Variants in LAMA5 observed in about 807,000 individuals in gnomAD.
LAMA5 encodes laminin subunit alpha 5, also known as laminin subunit alpha-5.
A neutral mutation model predicts 433.4 loss-of-function variants in LAMA5; 260 were observed. The ratio of observed to expected loss-of-function variants is 0.60; its 90% CI spans 0.54 to 0.66. The LOEUF (loss-of-function observed/expected upper bound fraction) is 0.66. Ranked by LOEUF, LAMA5 falls within the 30% of genes least tolerant of loss-of-function variation. LAMA5 has a pLI of 0.00. For synonymous variants in LAMA5, 2,620 were observed against 2,226.6 expected (o/e 1.18, Z -4.97); for missense variants, 5,378 against 5,258.5 (o/e 1.02, Z -0.70).
At position 62,346,893 on chromosome 20, in the gene LAMA5, G is replaced by A; in HGVS notation, c.1072+20C>T. ...GCCAGGGTGTGGGCAGGACACACGT[G>A]TGTGGGAGGAGGCACTCACACTGGC... On this transcript the variant is annotated intron_variant, in intron 7 of 79. Coordinates refer to ENST00000252999, the MANE Select transcript of LAMA5 (RefSeq NM_005560.6). 1 of 1,610,332 alleles carries A rather than the reference G, an allele frequency of 6.2e-7. No individual in the cohort carries two copies. Among genetic ancestry groups the A allele is most frequent in the Non-Finnish European group, 8.5e-7 (1 of 1,177,558 alleles).
chr20:62,353,072 G>T, intron 3 of LAMA5, 62 bp downstream of exon 3: 1 of 1,242,284 alleles, frequency 8.0e-7, no homozygotes, highest in Non-Finnish European at 1.1e-6. Context: ...GCCTGGTCAC[G>T]GAGGGCCTGC....
At chr20:62,344,791 T>TA (rs200048179) in intron 11 of LAMA5, among the ~76,000 whole-genome samples, 3,681 of 145,002 alleles carry the variant, frequency 0.025, 81 homozygotes, top group East Asian at 0.054. Context: ...ACAGCATAAT[T>TA]AAAAAAAAAA....
chr20:62,333,002 C>T, intron 26 of LAMA5, 88 bp downstream of exon 26: 9 of 1,365,432 alleles, frequency 6.6e-6, no homozygotes, highest in Non-Finnish European at 8.6e-6. Context: ...GCGCCCTGCT[C>T]CTATAACCTG....
Position 62,319,669 on chromosome 20 carries a change from TG to T in LAMA5, c.6871+14del. Reference sequence around the variant, plus strand: ...CCTGGCTCTGAGCCCTGAGCCTGGCTGGGCTGGCCCCTACCGCTCAGGGTGC... The same window carrying T: ...CCTGGCTCTGAGCCCTGAGCCTGGCTGGCTGGCCCCTACCGCTCAGGGTGC... On this transcript the variant is annotated intron_variant, in intron 51 of 79. Coordinates refer to ENST00000252999, the MANE Select transcript of LAMA5 (RefSeq NM_005560.6). The T allele has an allele frequency of 6.6e-7, 1 of 1,522,790 alleles. No homozygotes were observed. 94.3% of individuals were successfully genotyped at this position (1,522,790 alleles called of 1,614,324 possible).
Position 62,310,843 on chromosome 20 carries a change from A to G in LAMA5, c.10282-14T>C. The stretch of plus-strand genomic sequence containing the variant: ...GCGCACGGAGACCTGGGGGCAGGAG[A>G]TGGGTCAGGGTAGGGCTGCCAGGCC... On this transcript the variant is annotated splice_polypyrimidine_tract_variant and intron_variant, in intron 74 of 79. Transcript: ENST00000252999. 1 of 1,577,320 alleles carries G rather than the reference A, an allele frequency of 6.3e-7. No individual in the cohort carries two copies. Among genetic ancestry groups the G allele is most frequent in the Non-Finnish European group, 8.6e-7 (1 of 1,161,438 alleles).
At chr20:62,336,977 C>T in intron 16 of LAMA5, 191 bp from the exon 17 acceptor site, 1 of 697,706 alleles carries the variant, frequency 1.4e-6, no homozygotes, top group South Asian at 1.5e-5. Context: ...GCCATCCCAC[C>T]ACACAGCACC....
Position 62,317,479 on chromosome 20 carries a change from G to A in LAMA5, c.7377C>T (p.Ala2459=), listed in dbSNP as rs770970785. ...GTGGGGTCCGAGCCCCATCCAGGCT[G>A]GCGGCGAGGCGCTCCAGCTCCTGGA... is the stretch of plus-strand genomic sequence containing the variant. The part of the protein sequence containing the change: ...QAKEELERLA[A]SLDGARTPLL... The change falls in exon 55 of 80, where the codon GCC becomes GCT. Residue 2459 remains alanine, a synonymous_variant. Coordinates refer to ENST00000252999, the MANE Select transcript of LAMA5 (RefSeq NM_005560.6). 4 of 1,552,420 alleles carry A rather than the reference G, an allele frequency of 2.6e-6. No homozygotes were observed. The highest frequency in any genetic ancestry group is 2.6e-6 in the Non-Finnish European group (3 of 1,146,470).
rs1980250197 is a variant in LAMA5 at position 62,330,852 on chromosome 20, A to G, written c.3743T>C (p.Leu1248Pro). The change falls in exon 30 of 80, where the codon CTG becomes CCG. Residue 1248 changes from leucine (L) to proline (P), a missense_variant. Coordinates refer to ENST00000252999, the MANE Select transcript of LAMA5 (RefSeq NM_005560.6). ...QVIPLPPGLP[L>P]THAQDLTPAM... Reference sequence around the variant, plus strand: ...TGGAGTGAGATCCTGCGCGTGGGTCAGCGGGAGGCCGGGCGGCAGCGGGAT... The same window carrying G: ...TGGAGTGAGATCCTGCGCGTGGGTCGGCGGGAGGCCGGGCGGCAGCGGGAT... 6.5e-7 allele frequency: 1 copy of G among 1,541,456 alleles called. No homozygotes were observed. The highest frequency in any genetic ancestry group is 8.7e-7 in the Non-Finnish European group (1 of 1,143,342).
At chr20:62,343,573 C>T (rs1038088844) in intron 11 of LAMA5, among the ~76,000 whole-genome samples, 7 of 151,986 alleles carry the variant, frequency 4.6e-5, no homozygotes, top group African/African-American at 1.7e-4. Flanking sequence ...GTCAGGAGTT[C>T]GAGACCAGCC....
At position 62,329,233 on chromosome 20, in the gene LAMA5, A is replaced by AG; in HGVS notation, c.4139dup (p.Glu1381Ter). On this transcript the variant is annotated frameshift_variant, in exon 33 of 80. Transcript: ENST00000252999. LOFTEE classifies it high-confidence loss of function. The stretch of plus-strand genomic sequence containing the variant: ...GGTAGCCAAAGCTGTAGACGTTCTC[A>AG]GGGACCACGAGTACATAATCCTAGG... The AG allele has an allele frequency of 6.2e-7, 1 of 1,612,316 alleles. No homozygotes were observed. The highest frequency in any genetic ancestry group is 8.5e-7 in the Non-Finnish European group (1 of 1,179,498).
intron 57 of LAMA5, 94 bp from the exon 58 acceptor site, chr20:62,316,152 C>G: frequency 2.5e-6 from 2 of 807,388 alleles, no homozygotes; most frequent in Non-Finnish European, 4.1e-6. Context: ...AGGACCAAGG[C>G]TGACACACAG....
In LAMA5 at chr20:62,319,778, G is replaced by A; in HGVS notation, c.6777C>T (p.Asp2259=). ...RLGGQAVGTR[D]QASQLLAGTE... ...TGCCGGCCAGCAATTGGCTCGCCTGGTCTCGGGTCCCCACGGCCTGTGGAG... is the reference window on the plus strand; with the variant it reads ...TGCCGGCCAGCAATTGGCTCGCCTGATCTCGGGTCCCCACGGCCTGTGGAG... The change falls in exon 51 of 80, where the codon GAC becomes GAT. Residue 2259 remains aspartate (D), a synonymous_variant. Transcript: ENST00000252999. 4 of 1,547,336 alleles carry A rather than the reference G, an allele frequency of 2.6e-6. No homozygotes were observed. The highest frequency in any genetic ancestry group is 3.5e-6 in the Non-Finnish European group (4 of 1,146,604).
rs773513217 is a variant in LAMA5 at position 62,311,068 on chromosome 20, G to A, written c.10115C>T (p.Pro3372Leu). 55 of 1,593,696 alleles carry A rather than the reference G, an allele frequency of 3.5e-5. No individual in the cohort carries two copies. The highest frequency in any genetic ancestry group is 2.2e-4 in the African/African-American group (16 of 74,416). ...NWPSLSMHVL[P>L]RSSRGLLLFT... Reference sequence around the variant, plus strand: ...GAGGAGGAGGCCTCGGGAGCTTCGCGGGAGGACGTGCATGGAGAGACTGGG... The same window carrying A: ...GAGGAGGAGGCCTCGGGAGCTTCGCAGGAGGACGTGCATGGAGAGACTGGG... The change falls in exon 74 of 80, where the codon CCG becomes CTG. Residue 3372 changes from proline to leucine, a missense_variant. Physicochemically the swap from Pro to Leu is moderately conservative, Grantham distance 98. Coordinates refer to ENST00000252999, the MANE Select transcript of LAMA5 (RefSeq NM_005560.6).
chr20:62,324,395 GC>G lies in LAMA5; in HGVS notation c.5643+45del, dbSNP rs1222490895. 2 of 1,502,262 alleles carry G rather than the reference GC, an allele frequency of 1.3e-6. No individual in the cohort carries two copies. Among genetic ancestry groups the G allele is most frequent in the East Asian group, 2.3e-5 (1 of 43,306 alleles). The allele number at this position is 1,502,262 out of a possible 1,614,324, so 93.1% of individuals were successfully genotyped here. A position where few individuals can be genotyped will look rare whatever the true frequency, so the allele number is the denominator to read the frequency against. On this transcript the variant is annotated intron_variant, in intron 42 of 79. Transcript: ENST00000252999. This position sits in a 1 kb window ranked among gnomAD's most constrained non-coding sequence, Gnocchi z 4.4. ...GGTCTTCCCTGGCACACTTGACTGT[GC>G]CTTCAGTGAATGCTGCCCCCCTGGC...
rs972112448 is a variant in LAMA5 at position 62,309,661 on chromosome 20, G to A, written c.10948+55C>T. 200 of 1,480,374 alleles carry A rather than the reference G, an allele frequency of 1.4e-4. 1 individual carries two copies. Among genetic ancestry groups the A allele is most frequent in the Admixed American group, 1.5e-4 (6 of 40,608 alleles). The allele number at this position is 1,480,374 out of a possible 1,614,324, so 91.7% of individuals were successfully genotyped here. ...GGGTGGGGGGAGGGTGGTAGGTTAC[G>A]CAGCACCTAGTCCTGAGGGGCAGCT... On this transcript the variant is annotated intron_variant, in intron 79 of 79. Coordinates refer to ENST00000252999, the MANE Select transcript of LAMA5 (RefSeq NM_005560.6).
chr20:62,313,874 A>T (rs1450294122), intron 62 of LAMA5, 72 bp from the exon 63 acceptor site: 1 of 1,140,912 alleles, frequency 8.8e-7, no homozygotes, highest in East Asian at 2.7e-5. Flanking sequence ...CGGAGAGATG[A>T]GGGGTGGCGA....
chr20:62,325,083 T>C, intron 41 of LAMA5: 1 of 118,596 alleles, frequency 8.4e-6, no homozygotes, highest in East Asian at 1.9e-4. Context: ...GGTGTGTGCA[T>C]GGAGGGGCAG....
intron 2 of LAMA5, among the ~76,000 whole-genome samples, chr20:62,355,022 C>T (rs1984965259): frequency 6.6e-6 from 1 of 152,230 alleles, no homozygotes; most frequent in South Asian, 2.1e-4. Context: ...TGTCCCGGCC[C>T]ACACCTCCCC....
rs758150023 is a variant in LAMA5 at position 62,332,638 on chromosome 20, C to T, written c.3362G>A (p.Arg1121His). 1.9e-5 allele frequency: 31 copies of T among 1,607,028 alleles called. No individual in the cohort carries two copies. The East Asian group carries it at 2.2e-4, about 12-fold the overall frequency. ...GTGCACGGCCACGCCCACCTCCTGG[C>T]GGGCATCCTCATTGGCGTACTCCAC... ...LVVEYANEDA[R>H]QEVGVAVHTP... is the part of the protein sequence containing the mutation. The change falls in exon 27 of 80, where the codon CGC becomes CAC. Residue 1121 changes from arginine (R) to histidine (H), a missense_variant. Coordinates refer to ENST00000252999, the MANE Select transcript of LAMA5 (RefSeq NM_005560.6).
Sources: gnomAD v4.1 joint callset for allele counts (sites outside exome capture counted in the v4.1 genomes callset) on GRCh38, gnomAD v4.1.1 for gene constraint, Gnocchi (gnomAD v3.1) non-coding constraint, MANE v1.5 for transcripts, NCBI Gene and HGNC (gene_info 2026-07-23, HGNC 2026-07-21) for gene names.